The following LRGUK variants were observed in gnomAD, a reference collection of about 807,000 sequenced individuals.
The protein encoded by LRGUK is leucine-rich repeat and guanylate kinase domain-containing protein.
LRGUK carries 65 observed loss-of-function variants against 76.0 expected under a neutral mutation model. That is an observed-to-expected ratio of 0.85 (90% CI 0.70 to 1.05). The LOEUF is 1.05. Ranked by LOEUF, LRGUK falls within the 50% of genes least tolerant of loss-of-function variation. The pLI is 0.00. For synonymous variants in LRGUK, 268 were observed against 265.6 expected, an observed-to-expected ratio of 1.01 and a Z score of -0.09; for missense variants, 758 against 732.8, an observed-to-expected ratio of 1.03 and a Z score of -0.40.
At chr7:134,185,108 T>C (rs1799927837) in intron 11 of LRGUK, among the ~76,000 whole-genome samples, 1 of 152,176 alleles carries the variant, frequency 6.6e-6, no homozygotes, top group African/African-American at 2.4e-5. Flanking sequence ...TCAATACACT[T>C]CAAGTTTTCT....
chr7:134,242,141 G>C (rs1802173760), intron 16 of LRGUK, among the ~76,000 whole-genome samples: 2 of 152,108 alleles, frequency 1.3e-5, no homozygotes, highest in Admixed American at 1.3e-4. Flanking sequence ...ACAATTAAAA[G>C]AACTAGAGAA....
At chr7:134,196,246 T>C (rs1800481949) in intron 12 of LRGUK, among the ~76,000 whole-genome samples, 2 of 152,312 alleles carry the variant, frequency 1.3e-5, no homozygotes, top group African/African-American at 4.8e-5. Context: ...GAATATAGTA[T>C]TGCCAAAGAA....
intron 15 of LRGUK, among the ~76,000 whole-genome samples, chr7:134,215,805 T>C (rs1327858382): frequency 6.6e-6 from 1 of 152,188 alleles, no homozygotes; most frequent in Non-Finnish European, 1.5e-5. Flanking sequence ...GACATAATTC[T>C]AGAAATCACT....
At chr7:134,239,747 C>T (rs1416146206) in intron 16 of LRGUK, among the ~76,000 whole-genome samples, 1 of 152,346 alleles carries the variant, frequency 6.6e-6, no homozygotes, top group South Asian at 2.1e-4. Context: ...AGACAGACTG[C>T]CTCCTCAAGT....
intron 16 of LRGUK, among the ~76,000 whole-genome samples, chr7:134,244,180 A>G (rs1013870462): frequency 3.3e-5 from 5 of 152,250 alleles, no homozygotes; most frequent in Non-Finnish European, 7.3e-5. Context: ...AGCAATGGCA[A>G]CAAAAGCCAA....
chr7:134,274,121 C>T, the LRGUK span, among the ~76,000 whole-genome samples: 506 of 152,226 alleles, frequency 3.3e-3, 3 homozygotes, highest in African/African-American at 0.011. Flanking sequence ...CCACCAGCTC[C>T]GTGTAGTTGT....
At chr7:134,170,033 A>T (rs900774608) in intron 7 of LRGUK, among the ~76,000 whole-genome samples, 1 of 152,088 alleles carries the variant, frequency 6.6e-6, no homozygotes, top group African/African-American at 2.4e-5. Context: ...TATCTTTTAA[A>T]AATTATGTCA....
At chr7:134,210,035 C>T (rs1331873166) in exon 16 of LRGUK, 6 of 399,662 alleles carry the variant, frequency 1.5e-5, no homozygotes, top group East Asian at 1.1e-4. Context: ...TCCAGACATG[C>T]GGGCCTCACC....
At chr7:134,209,700 C>G (rs1801164088) in exon 16 of LRGUK, 1 of 399,710 alleles carries the variant, frequency 2.5e-6, no homozygotes, top group East Asian at 3.6e-5. Context: ...GAAGCAGACA[C>G]CAGTAAACTT....
intron 16 of LRGUK, among the ~76,000 whole-genome samples, chr7:134,228,766 G>C (rs1585581395): frequency 6.6e-6 from 1 of 152,214 alleles, no homozygotes; most frequent in Admixed American, 6.5e-5. Context: ...TAGGAAGAGG[G>C]TAAATGTAAT....
At chr7:134,226,863 C>T (rs1801776610) in intron 16 of LRGUK, among the ~76,000 whole-genome samples, 1 of 152,096 alleles carries the variant, frequency 6.6e-6, no homozygotes, top group Non-Finnish European at 1.5e-5. Flanking sequence ...GGACTCAGGC[C>T]CTCAGCTGTA....
intron 16 of LRGUK, among the ~76,000 whole-genome samples, chr7:134,231,440 TTTCCTTTCTCCCTTCCTTTCTTCC>T: frequency 7.4e-6 from 1 of 135,322 alleles, no homozygotes; most frequent in East Asian, 2.7e-4. Flanking sequence ...TCCTTTCTTC[TTTCCTTTCTCCCTTCCTTTCTTCC>T]TTCCTTCTTT....
intron 3 of LRGUK, among the ~76,000 whole-genome samples, chr7:134,139,984 T>C (rs1392844774): frequency 6.6e-6 from 1 of 152,196 alleles, no homozygotes; most frequent in Non-Finnish European, 1.5e-5. Flanking sequence ...AAACATTTTT[T>C]TTGAGATGGA....
chr7:134,132,806 G>A (rs1030760546), intron 1 of LRGUK, among the ~76,000 whole-genome samples: 2 of 152,212 alleles, frequency 1.3e-5, no homozygotes, highest in Non-Finnish European at 2.9e-5. Flanking sequence ...TCTAAGACCT[G>A]AGTGAGAAAC....
exon 10 of LRGUK, chr7:134,178,534 C>T (rs542059624): frequency 6.2e-7 from 1 of 1,613,170 alleles, no homozygotes. Flanking sequence ...GATCCTCCCC[C>T]TGAAGTGGTT....
exon 1 of LRGUK, chr7:134,127,583 G>A: frequency 1.2e-6 from 2 of 1,614,204 alleles, no homozygotes; most frequent in South Asian, 2.2e-5. Flanking sequence ...ATCAGGAGCT[G>A]GACTCGGACG....
chr7:134,223,641 G>C (rs1179817717), intron 16 of LRGUK, among the ~76,000 whole-genome samples: 1 of 152,174 alleles, frequency 6.6e-6, no homozygotes, highest in Non-Finnish European at 1.5e-5. Context: ...ACACAATCCT[G>C]GGAAATTGCA....
At chr7:134,265,588 C>T (rs1022708611), downstream of LRGUK, among the ~76,000 whole-genome samples, 3 of 152,220 alleles carry the variant, frequency 2.0e-5, no homozygotes, top group Admixed American at 2.0e-4. Context: ...ACAATAGCTG[C>T]ACCATTCCAG....
downstream of LRGUK, chr7:134,210,365 C>T (rs1801202105): frequency 2.5e-6 from 1 of 398,014 alleles, no homozygotes; most frequent in Non-Finnish European, 4.4e-6. Flanking sequence ...CACCTAAGAC[C>T]CCCAATTACA....
Sources: allele counts gnomAD v4.1 joint callset (sites outside exome capture counted in the v4.1 genomes callset), GRCh38; gene constraint gnomAD v4.1.1; transcripts MANE v1.5; gene names NCBI Gene and HGNC (gene_info 2026-07-23, HGNC 2026-07-21).